Variants in CAP1 observed in about 807,000 individuals in gnomAD.
CAP1 encodes the protein cyclase associated actin cytoskeleton regulatory protein 1.
Under a neutral mutation model 58.2 loss-of-function variants are expected in CAP1, and 11 were observed. The ratio of observed to expected loss-of-function variants is 0.19; its 90% CI spans 0.12 to 0.31. The LOEUF is 0.31. CAP1 is among the 10% of genes least tolerant of loss of function. The pLI is 1.00. For missense variants in CAP1, 423 were observed against 587.5 expected, an observed-to-expected ratio of 0.72 and a Z score of 2.89; for synonymous variants, 183 against 213.8, an observed-to-expected ratio of 0.86 and a Z score of 1.26.
intron 4 of CAP1, among the ~76,000 whole-genome samples, chr1:40,063,005 AT>A (rs1013379757): frequency 6.7e-6 from 1 of 149,744 alleles, no homozygotes; most frequent in Non-Finnish European, 1.5e-5. Context: ...TTAAAAAAAA[AT>A]TTTTTTTTTG....
intron 1 of CAP1, among the ~76,000 whole-genome samples, chr1:40,052,241 C>T (rs1225495745): frequency 1.3e-5 from 2 of 152,164 alleles, no homozygotes; most frequent in Non-Finnish European, 2.9e-5. Flanking sequence ...GAAATCACCT[C>T]CTTTGATCCT....
rs367897327 is a variant in CAP1, at chr1:40,070,264, A to G, written c.1099A>G (p.Ile367Val). ...VNTTLQIKGK[I>V]NSITVDNCKK... is the part of the protein sequence containing the mutation. ...CACGACATTGCAAATCAAGGGCAAAATTAACTCCATTACAGTAGGTGAGTC... is the reference window on the plus strand; with the variant it reads ...CACGACATTGCAAATCAAGGGCAAAGTTAACTCCATTACAGTAGGTGAGTC... Residue 367 changes from isoleucine to valine, a missense_variant, in exon 10 of 13, where the codon ATT becomes GTT. Physicochemically the swap from Ile to Val is conservative, Grantham distance 29. Coordinates refer to ENST00000372805, the MANE Select transcript of CAP1 (RefSeq NM_006367.4). 2.5e-5 allele frequency: 40 copies of G among 1,614,220 alleles called. No individual in the cohort carries two copies. The African/African-American group carries it at 4.0e-4, about 16-fold the overall frequency.
At chr1:40,049,425 G>T (rs1159903690) in intron 1 of CAP1, among the ~76,000 whole-genome samples, 1 of 151,816 alleles carries the variant, frequency 6.6e-6, no homozygotes, top group East Asian at 1.9e-4. Context: ...TAGCCAGGCT[G>T]GTCTCGAACT....
intron 1 of CAP1, among the ~76,000 whole-genome samples, chr1:40,048,179 C>T (rs1163232950): frequency 6.6e-6 from 1 of 151,668 alleles, no homozygotes; most frequent in African/African-American, 2.4e-5. Flanking sequence ...CCATTGCACC[C>T]ACCCACCATC....
At chr1:40,045,466 A>G (rs777084662) in intron 1 of CAP1, among the ~76,000 whole-genome samples, 2 of 152,212 alleles carry the variant, frequency 1.3e-5, no homozygotes, top group Non-Finnish European at 2.9e-5. Flanking sequence ...TGGTGCAATC[A>G]TGGCTGATTG....
intron 6 of CAP1, among the ~76,000 whole-genome samples, chr1:40,065,053 C>T (rs1258565819): frequency 6.6e-6 from 1 of 152,220 alleles, no homozygotes; most frequent in Non-Finnish European, 1.5e-5. Flanking sequence ...TCCACTTCTG[C>T]TTTCTCTCCT....
At chr1:40,044,946 G>T (rs35482191) in intron 1 of CAP1, among the ~76,000 whole-genome samples, 17,428 of 151,158 alleles carry the variant, frequency 0.12, 1,110 homozygotes, top group East Asian at 0.23. Flanking sequence ...ACAGGCGCCC[G>T]CCACCAGGCC....
At position 40,057,622 on chromosome 1, in the gene CAP1, C is replaced by T. The variant is rs1473951899; in HGVS notation, c.-10-1715C>T. The stretch of plus-strand genomic sequence containing the variant: ...GAATGGACAGAGACTATATTGTCTT[C>T]CTTACTTTATCTTGTGAGCTGCTTA... On this transcript the variant is annotated intron_variant, in intron 1 of 12. Coordinates refer to ENST00000372805, the MANE Select transcript of CAP1 (RefSeq NM_006367.4). 2.0e-5 allele frequency: 3 copies of T among 152,030 alleles called. No individual in the cohort carries two copies. In the East Asian group the frequency reaches 5.8e-4, roughly 29 times the overall value. 9.4% of individuals were successfully genotyped at this position (152,030 alleles called of 1,614,324 possible). A position where few individuals can be genotyped will look rare whatever the true frequency, so the allele number is the denominator to read the frequency against.
rs762317348 is a variant in CAP1, at chr1:40,060,179, G to A, written c.216+9G>A. 1.2e-6 allele frequency: 2 copies of A among 1,608,096 alleles called. No individual in the cohort carries two copies. The highest frequency in any genetic ancestry group is 1.7e-6 in the Non-Finnish European group (2 of 1,175,274). On this transcript the variant is annotated intron_variant, in intron 3 of 12. Transcript: ENST00000372805. ...GAGACGTGCAGAAACATGTAAGGAT[G>A]TTTTGCCTTTTTCCCCTTCTTTTAA...
chr1:40,059,596 C>A, intron 2 of CAP1, 138 bp downstream of exon 2: 1 of 595,318 alleles, frequency 1.7e-6, no homozygotes, highest in Non-Finnish European at 3.0e-6. Context: ...TTGCTGTGAA[C>A]AGATAAGAGA....
chr1:40,044,523 TAAG>T (rs1645991877), intron 1 of CAP1, among the ~76,000 whole-genome samples: 1 of 152,200 alleles, frequency 6.6e-6, no homozygotes, highest in African/African-American at 2.4e-5. Flanking sequence ...TAAAGTTCTC[TAAG>T]AAGAAGCATT....
At chr1:40,070,583 G>C in intron 11 of CAP1, 71 bp downstream of exon 11, 1 of 1,256,224 alleles carries the variant, frequency 8.0e-7, no homozygotes, top group Non-Finnish European at 1.2e-6. Context: ...TAGACCCACA[G>C]ATGTTGCTTT....
At chr1:40,040,695 C>A (rs554540928), upstream of CAP1, 1 of 152,702 alleles carries the variant, frequency 6.5e-6, no homozygotes, top group Non-Finnish European at 1.5e-5. Context: ...GTGGGGGCGC[C>A]GCGCCCAGTG....
intron 12 of CAP1, 99 bp from the exon 13 acceptor site, chr1:40,071,351 G>A (rs1647980576): frequency 2.5e-6 from 2 of 809,094 alleles, no homozygotes; most frequent in Admixed American, 4.3e-5. Flanking sequence ...CCGTGCTCCT[G>A]GGGTTAAGTG....
intron 1 of CAP1, among the ~76,000 whole-genome samples, chr1:40,045,629 C>T (rs1646058911): frequency 6.6e-6 from 1 of 152,096 alleles, no homozygotes; most frequent in African/African-American, 2.4e-5. Context: ...GATCTTGGCT[C>T]ACTGCAACCT....
At position 40,067,826 on chromosome 1, in the gene CAP1, C is replaced by T. The variant is rs185907681; in HGVS notation, c.808+109C>T. On this transcript the variant is annotated intron_variant, in intron 8 of 12. Coordinates refer to ENST00000372805, the MANE Select transcript of CAP1 (RefSeq NM_006367.4). ...AACCCTGGCTTGTGTGGTGGAGACT[C>T]GTTTGGTGTGTCCTGTTCCTTTAAG... The T allele has an allele frequency of 7.6e-5, 56 of 737,236 alleles. No individual in the cohort carries two copies. The East Asian group carries it at 1.4e-3, about 18-fold the overall frequency. 45.7% of individuals were successfully genotyped at this position (737,236 alleles called of 1,614,324 possible).
At position 40,051,875 on chromosome 1, in the gene CAP1, T is replaced by TTTTTG. The variant is rs544452254; in HGVS notation, c.-10-7447_-10-7443dup. Among the ~76,000 whole-genome samples the TTTTTG allele has an allele frequency of 1.3e-3, 191 of 152,326 alleles. 1 individual carries two copies. In the South Asian group the frequency reaches 0.019, roughly 16 times the overall value. ...TGAGCCACCGCGCCCAGCCTGTTTT[T>TTTTTG]TTTTGTTTTGTTTTGTTTTTTAAAT... On this transcript the variant is annotated intron_variant, in intron 1 of 12. Transcript: ENST00000372805.
intron 8 of CAP1, among the ~76,000 whole-genome samples, chr1:40,068,943 C>T (rs1419356843): frequency 3.9e-5 from 6 of 152,080 alleles, no homozygotes; most frequent in Non-Finnish European, 8.8e-5. Context: ...AGCAGTTCTC[C>T]TGCCTCAGCC....
intron 6 of CAP1, among the ~76,000 whole-genome samples, chr1:40,065,914 T>C (rs1218652877): frequency 6.6e-6 from 1 of 152,062 alleles, no homozygotes; most frequent in Non-Finnish European, 1.5e-5. Context: ...AAAGTTTCAA[T>C]AAGCAGCAAG....
Sources: allele counts gnomAD v4.1 joint callset (sites outside exome capture counted in the v4.1 genomes callset), GRCh38; gene constraint gnomAD v4.1.1; transcripts MANE v1.5; gene names NCBI Gene and HGNC (gene_info 2026-07-23, HGNC 2026-07-21).